The following LRIG3 variants were observed in gnomAD, a reference collection of about 807,000 sequenced individuals.
The protein encoded by LRIG3 is leucine-rich repeats and immunoglobulin-like domains protein 3.
LRIG3 carries 76 observed loss-of-function variants against 114.5 expected under a neutral mutation model. The observed-to-expected ratio is 0.66, with a 90% CI of 0.55 to 0.80. LRIG3 has a LOEUF of 0.80. Ranked by LOEUF, LRIG3 falls within the 30% of genes least tolerant of loss-of-function variation. The probability of loss-of-function intolerance (pLI) is 0.00; values close to 1 mark genes in which losing one functional copy is unlikely to be tolerated. For synonymous variants in LRIG3, 512 were observed against 519.8 expected, an observed-to-expected ratio of 0.98 and a Z score of 0.20; for missense variants, 1,239 against 1,382.8, an observed-to-expected ratio of 0.90 and a Z score of 1.65.
At chr12:58,913,916 C>T in intron 3 of LRIG3, 66 bp downstream of exon 3, 1 of 1,337,484 alleles carries the variant, frequency 7.5e-7, no homozygotes, top group Non-Finnish European at 1.1e-6. Flanking sequence ...CTATGCTAGT[C>T]CCTATGGAAC....
intron 3 of LRIG3, among the ~76,000 whole-genome samples, chr12:58,902,247 T>A (rs969157660): frequency 1.3e-5 from 2 of 152,146 alleles, no homozygotes; most frequent in East Asian, 1.9e-4. Flanking sequence ...GTGACTCAAT[T>A]CAAAAGCATC....
At chr12:58,879,691 C>A (rs1291544736) in intron 13 of LRIG3, among the ~76,000 whole-genome samples, 1 of 152,212 alleles carries the variant, frequency 6.6e-6, no homozygotes, top group Non-Finnish European at 1.5e-5. Flanking sequence ...ACCTACCACA[C>A]AAAGCAAACA....
intron 3 of LRIG3, among the ~76,000 whole-genome samples, chr12:58,912,103 A>G (rs1872300959): frequency 6.6e-6 from 1 of 152,244 alleles, no homozygotes; most frequent in African/African-American, 2.4e-5. Flanking sequence ...GTGAAACACA[A>G]AAACAATATG....
chr12:58,919,988 A>T lies in LRIG3; in HGVS notation c.236+12T>A. ...GGCCCGGGCCCCCTCCCCCCGCGGG[A>T]AGAATACTTACAGCCGAGCGACCCA... On this transcript the variant is annotated intron_variant, in intron 1 of 18. Coordinates refer to ENST00000320743, the MANE Select transcript of LRIG3 (RefSeq NM_153377.5). 6.5e-7 allele frequency: 1 copy of T among 1,549,612 alleles called. No individual in the cohort carries two copies. The highest frequency in any genetic ancestry group is 8.7e-7 in the Non-Finnish European group (1 of 1,146,450).
chr12:58,902,132 A>T (rs992976228), intron 3 of LRIG3, among the ~76,000 whole-genome samples: 2 of 152,234 alleles, frequency 1.3e-5, no homozygotes, highest in African/African-American at 4.8e-5. Flanking sequence ...AGAGAGATTT[A>T]TACAATTAAT....
At position 58,876,580 on chromosome 12, in the gene LRIG3, T is replaced by C. The variant is rs990089360; in HGVS notation, c.2560A>G (p.Ile854Val). ...NTDETNLPADIPSYLSSQGTL... is the reference protein window; with the variant it reads ...NTDETNLPADVPSYLSSQGTL... ...CCCTGAGATGACAAATAACTAGGAA[T>C]ATCTGCTGGCAAGTTGGTCTCATCT... Residue 854 changes from isoleucine (I) to valine (V), a missense_variant, in exon 16 of 19, where the codon ATT becomes GTT. Transcript: ENST00000320743. 6.2e-7 allele frequency: 1 copy of C among 1,614,194 alleles called. No individual in the cohort carries two copies. The highest frequency in any genetic ancestry group is 8.5e-7 in the Non-Finnish European group (1 of 1,180,020).
chr12:58,899,500 A>G (rs143872239), intron 3 of LRIG3, among the ~76,000 whole-genome samples: 1 of 151,452 alleles, frequency 6.6e-6, no homozygotes, highest in African/African-American at 2.4e-5. Context: ...ATGTTTTTAA[A>G]GTGTCTGGTA....
At position 58,893,194 on chromosome 12, in the gene LRIG3, A is replaced by T. The variant is rs1325394407; in HGVS notation, c.384-2398T>A. 3.3e-5 allele frequency among the ~76,000 whole-genome samples: 5 copies of T among 152,228 alleles called. No homozygotes were observed. The East Asian group carries it at 9.6e-4, about 29-fold the overall frequency. On this transcript the variant is annotated intron_variant, in intron 3 of 18. Transcript: ENST00000320743. ...TCACAAGAGAATAATAAGGGGACAA[A>T]ACGGGCATACATTTTAAATTTAAAG...
In LRIG3 at chr12:58,885,881, G is replaced by T; in HGVS notation, c.1194C>A (p.Ile398=). The T allele has an allele frequency of 1.3e-6, 2 of 1,588,012 alleles. No homozygotes were observed. Among genetic ancestry groups the T allele is most frequent in the South Asian group, 2.2e-5 (2 of 89,278 alleles). Residue 398 remains isoleucine (I), a synonymous_variant, in exon 10 of 19, where the codon ATC becomes ATA. Transcript: ENST00000320743. ...LRRLILQGNR[I]RSITKKAFTG... ...TGAAGGCTTTTTTAGTAATAGAACGGATCCGATTTCCTTGGAGTATCCTGG... is the reference window on the plus strand; with the variant it reads ...TGAAGGCTTTTTTAGTAATAGAACGTATCCGATTTCCTTGGAGTATCCTGG...
At chr12:58,893,602 A>G (rs1592302456) in intron 3 of LRIG3, among the ~76,000 whole-genome samples, 2 of 152,220 alleles carry the variant, frequency 1.3e-5, no homozygotes, top group African/African-American at 4.8e-5. Context: ...AAGTGAGACA[A>G]TTAGTCAATT....
At chr12:58,910,209 T>C (rs967211040) in intron 3 of LRIG3, among the ~76,000 whole-genome samples, 2 of 152,198 alleles carry the variant, frequency 1.3e-5, no homozygotes, top group Non-Finnish European at 2.9e-5. Context: ...ATTCTAGAAA[T>C]ATTTATGCAA....
intron 8 of LRIG3, 138 bp from the exon 9 acceptor site, chr12:58,887,028 TC>T: frequency 1.6e-6 from 1 of 611,002 alleles, no homozygotes; most frequent in East Asian, 2.9e-5. Context: ...AATAGAAAAC[TC>T]TTTTTCTCCA....
At chr12:58,916,032 C>T (rs1472660363) in intron 1 of LRIG3, among the ~76,000 whole-genome samples, 1 of 152,102 alleles carries the variant, frequency 6.6e-6, no homozygotes, top group Non-Finnish European at 1.5e-5. Context: ...AGCAATCTGG[C>T]ATTAATATTT....
chr12:58,905,169 T>C (rs1565622149), intron 3 of LRIG3, among the ~76,000 whole-genome samples: 2 of 152,180 alleles, frequency 1.3e-5, no homozygotes, highest in African/African-American at 2.4e-5. Flanking sequence ...ATTTTTTTCT[T>C]CACCTCAGAG....
In LRIG3 at chr12:58,920,130, C is replaced by G; in HGVS notation, c.106G>C (p.Gly36Arg). Residue 36 changes from glycine to arginine, a missense_variant, in exon 1 of 19, where the codon GGG (glycine) becomes CGG (arginine). Gly to Arg is a moderately radical substitution (Grantham distance 125, BLOSUM62 -2). Transcript: ENST00000320743. ...TCGGCGGCTACCCCAGAGGGCTGCC[C>G]GAGTTCCCCGCGACCGCCGCTGTCT... ...RSDSGGRGEL[G>R]QPSGVAAERP... The G allele has an allele frequency of 7.8e-6, 12 of 1,545,580 alleles. No individual in the cohort carries two copies. The highest frequency in any genetic ancestry group is 1.0e-5 in the Non-Finnish European group (12 of 1,146,664).
intron 8 of LRIG3, 82 bp downstream of exon 8, chr12:58,887,707 C>G: frequency 6.8e-7 from 1 of 1,463,858 alleles, no homozygotes; most frequent in Non-Finnish European, 9.4e-7. Context: ...TCCTTGACAA[C>G]AAAGGAAATC....
At position 58,889,913 on chromosome 12, in the gene LRIG3, T is replaced by C. The variant is rs920052958; in HGVS notation, c.659+83A>G. 7.2e-5 allele frequency: 109 copies of C among 1,511,598 alleles called. 1 individual carries two copies. The African/African-American group carries it at 1.5e-3, about 20-fold the overall frequency. The allele number at this position is 1,511,598 out of a possible 1,614,324, so 93.6% of individuals were successfully genotyped here. A position where few individuals can be genotyped will look rare whatever the true frequency, so the allele number is the denominator to read the frequency against. On this transcript the variant is annotated intron_variant, in intron 5 of 18. Transcript: ENST00000320743. ...TACATCCTTGCTCCTAAACTCCTTT[T>C]TGCCACATTGTAGATTTTAAGGAAA...
intron 3 of LRIG3, among the ~76,000 whole-genome samples, chr12:58,898,096 G>C (rs1871708691): frequency 6.6e-6 from 1 of 152,130 alleles, no homozygotes; most frequent in African/African-American, 2.4e-5. Context: ...ATGAACATCA[G>C]AAAACAAAAT....
At chr12:58,889,075 G>C in intron 5 of LRIG3, 113 bp from the exon 6 acceptor site, 1 of 971,960 alleles carries the variant, frequency 1.0e-6, no homozygotes, top group East Asian at 2.7e-5. Context: ...ATTACATACA[G>C]TGTTTTCAGT....
Sources: gnomAD v4.1 joint callset for allele counts (sites outside exome capture counted in the v4.1 genomes callset) on GRCh38, gnomAD v4.1.1 for gene constraint, MANE v1.5 for transcripts, NCBI Gene and HGNC (gene_info 2026-07-23, HGNC 2026-07-21) for gene names.